Variants in ADCY2 observed in about 807,000 individuals in gnomAD.
ADCY2 encodes the protein adenylate cyclase 2.
ADCY2 carries 31 observed loss-of-function variants against 125.2 expected under a neutral mutation model. The observed-to-expected ratio is 0.25, with a 90% CI of 0.19 to 0.33. The LOEUF (loss-of-function observed/expected upper bound fraction) is 0.33, where lower values mean the gene tolerates loss of function less well. Ranked by LOEUF, ADCY2 falls within the 10% of genes least tolerant of loss-of-function variation. ADCY2 has a pLI of 1.00. For missense variants in ADCY2, 904 were observed against 1,418.2 expected, an observed-to-expected ratio of 0.64 and a Z score of 5.82; for synonymous variants, 512 against 548.4, an observed-to-expected ratio of 0.93 and a Z score of 0.93.
rs192750381 is a variant in ADCY2 at position 7,556,466 on chromosome 5, T to G, written c.570+35567T>G. 2.9e-3 allele frequency among the ~76,000 whole-genome samples: 447 copies of G among 152,368 alleles called. 2 individuals are homozygous for G. The highest frequency in any genetic ancestry group is 0.01 in the African/African-American group (419 of 41,586). On this transcript the variant is annotated intron_variant, in intron 3 of 24. Coordinates refer to ENST00000338316, the MANE Select transcript of ADCY2 (RefSeq NM_020546.3). Reference sequence around the variant, plus strand: ...GTATGTATTAGTTGAGCCATTATTGTGATTGTAAACATCTGTTCTCAGTAT... The same window carrying G: ...GTATGTATTAGTTGAGCCATTATTGGGATTGTAAACATCTGTTCTCAGTAT...
chr5:7,718,900 G>A (rs533787447), intron 12 of ADCY2, among the ~76,000 whole-genome samples: 1 of 152,166 alleles, frequency 6.6e-6, no homozygotes, highest in Admixed American at 6.5e-5. Context: ...CTGAAGCAGA[G>A]GAAATAGCAT....
chr5:7,410,242 C>A (rs896318110), intron 1 of ADCY2, among the ~76,000 whole-genome samples: 10 of 151,442 alleles, frequency 6.6e-5, no homozygotes, highest in African/African-American at 9.7e-5. Flanking sequence ...AAGTATTTCA[C>A]TAAAATATAA....
At chr5:7,530,051 A>G (rs1263950688) in intron 3 of ADCY2, among the ~76,000 whole-genome samples, 4 of 152,184 alleles carry the variant, frequency 2.6e-5, no homozygotes, top group East Asian at 1.9e-4. Flanking sequence ...GCAACACTGC[A>G]TGAGCTTAGC....
intron 2 of ADCY2, among the ~76,000 whole-genome samples, chr5:7,460,499 G>C (rs1415436905): frequency 6.6e-6 from 1 of 152,098 alleles, no homozygotes; most frequent in African/African-American, 2.4e-5. Flanking sequence ...TAAATGTTCA[G>C]TATTATCAAA....
chr5:7,486,161 T>G (rs1050179605), intron 2 of ADCY2, among the ~76,000 whole-genome samples: 1 of 152,170 alleles, frequency 6.6e-6, no homozygotes, highest in African/African-American at 2.4e-5. Flanking sequence ...AAGTGTGCAC[T>G]GCCCGACTGT....
chr5:7,573,597 T>C (rs1177119850), intron 3 of ADCY2, among the ~76,000 whole-genome samples: 1 of 133,798 alleles, frequency 7.5e-6, no homozygotes, highest in Non-Finnish European at 1.6e-5. Flanking sequence ...GATTTTCTTT[T>C]TTTTTTTTTT....
chr5:7,495,793 T>G (rs1453632324), intron 2 of ADCY2, among the ~76,000 whole-genome samples: 4 of 152,254 alleles, frequency 2.6e-5, no homozygotes, highest in Non-Finnish European at 5.9e-5. Flanking sequence ...GAAATACTTT[T>G]CATTTCTTAA....
chr5:7,494,371 A>G (rs1300475356), intron 2 of ADCY2, among the ~76,000 whole-genome samples: 2 of 151,954 alleles, frequency 1.3e-5, no homozygotes, highest in Non-Finnish European at 2.9e-5. Context: ...AAGCTCATGA[A>G]TCTGCAGGTG....
chr5:7,501,131 T>TAAA (rs754532650), intron 2 of ADCY2, among the ~76,000 whole-genome samples: 1 of 143,958 alleles, frequency 6.9e-6, no homozygotes, highest in African/African-American at 2.6e-5. Flanking sequence ...AGCTTTTTTT[T>TAAA]AAAAAAAAAA....
intron 20 of ADCY2, among the ~76,000 whole-genome samples, chr5:7,792,629 T>C (rs1413394091): frequency 6.6e-6 from 1 of 152,160 alleles, no homozygotes; most frequent in East Asian, 1.9e-4. Flanking sequence ...CTCTGCTCTT[T>C]CCTGTTTGCT....
intron 3 of ADCY2, among the ~76,000 whole-genome samples, chr5:7,620,730 T>C (rs1737925684): frequency 1.3e-5 from 2 of 152,256 alleles, no homozygotes. Flanking sequence ...GTGAGCTTAC[T>C]GAATATTCAT....
chr5:7,425,506 G>T (rs1214252251), intron 2 of ADCY2, among the ~76,000 whole-genome samples: 1 of 152,268 alleles, frequency 6.6e-6, no homozygotes, highest in East Asian at 1.9e-4. Flanking sequence ...CTGCTGGAAT[G>T]TAAGAGAGTG....
chr5:7,499,537 A>G (rs1426048764), intron 2 of ADCY2, among the ~76,000 whole-genome samples: 3 of 151,756 alleles, frequency 2.0e-5, no homozygotes, highest in Non-Finnish European at 4.4e-5. Context: ...GAGTTCTTTC[A>G]TCATTGCTTA....
chr5:7,459,525 T>A (rs191574186), intron 2 of ADCY2, among the ~76,000 whole-genome samples: 1 of 152,286 alleles, frequency 6.6e-6, no homozygotes, highest in African/African-American at 2.4e-5. Flanking sequence ...AAGCAGTGGG[T>A]CTTGTTTAGT....
At chr5:7,777,916 T>A (rs1743792663) in intron 18 of ADCY2, among the ~76,000 whole-genome samples, 1 of 151,976 alleles carries the variant, frequency 6.6e-6, no homozygotes, top group Non-Finnish European at 1.5e-5. Flanking sequence ...AGGTCAGGAG[T>A]GTCCCAGTAT....
At chr5:7,566,012 T>C (rs1217497050) in intron 3 of ADCY2, among the ~76,000 whole-genome samples, 1 of 152,220 alleles carries the variant, frequency 6.6e-6, no homozygotes, top group African/African-American at 2.4e-5. Context: ...ATGTTCATAA[T>C]AATGAGCAAA....
chr5:7,742,395 G>A (rs1003281601), intron 14 of ADCY2, among the ~76,000 whole-genome samples: 8 of 152,064 alleles, frequency 5.3e-5, no homozygotes, highest in East Asian at 1.9e-4. Flanking sequence ...ACACCCTCCC[G>A]CAGAGTCTTA....
intron 19 of ADCY2, among the ~76,000 whole-genome samples, chr5:7,785,863 G>A (rs1454060683): frequency 6.6e-6 from 1 of 152,098 alleles, no homozygotes; most frequent in Admixed American, 6.5e-5. Context: ...TCCCAACTTT[G>A]TTATTGGTCG....
chr5:7,643,785 T>C (rs1459082877), intron 4 of ADCY2, among the ~76,000 whole-genome samples: 1 of 151,924 alleles, frequency 6.6e-6, no homozygotes, highest in Non-Finnish European at 1.5e-5. Flanking sequence ...CTTAGTGTTG[T>C]TTCCTAGTCT....
Sources: gnomAD v4.1 joint callset for allele counts (sites outside exome capture counted in the v4.1 genomes callset) on GRCh38, gnomAD v4.1.1 for gene constraint, MANE v1.5 for transcripts, NCBI Gene and HGNC (gene_info 2026-07-23, HGNC 2026-07-21) for gene names.